The following PCDH9 variants were observed in gnomAD, a reference collection of about 807,000 sequenced individuals.
The protein encoded by PCDH9 is protocadherin-9.
In PCDH9, 24 loss-of-function variants were observed where a neutral mutation model predicts 70.6. That is an observed-to-expected ratio of 0.34 (90% CI 0.25 to 0.48). PCDH9 has a LOEUF of 0.48. Among genes scored for constraint, PCDH9 ranks in the 20% least tolerant of loss-of-function variants. The probability of loss-of-function intolerance (pLI) is 0.99; values close to 1 mark genes in which losing one functional copy is unlikely to be tolerated. For missense variants in PCDH9, 1,281 were observed against 1,503.6 expected (o/e 0.85, Z 2.45); for synonymous variants, 562 against 558.5 (o/e 1.01, Z -0.09).
At chr13:66,377,721 A>G (rs1450326915) in intron 4 of PCDH9, among the ~76,000 whole-genome samples, 1 of 152,214 alleles carries the variant, frequency 6.6e-6, no homozygotes, top group Non-Finnish European at 1.5e-5. Flanking sequence ...GTGACTTAGC[A>G]TGTGCTAAGA....
At chr13:66,843,128 C>T (rs1366769214) in intron 3 of PCDH9, among the ~76,000 whole-genome samples, 1 of 152,204 alleles carries the variant, frequency 6.6e-6, no homozygotes, top group Non-Finnish European at 1.5e-5. Context: ...TGTGTGCCCT[C>T]AGCAAAGATA....
rs150771561 is a variant in PCDH9 at position 66,722,135 on chromosome 13, G to C, written c.3139-90724C>G. Among the ~76,000 whole-genome samples, 51 of 152,220 alleles carry C rather than the reference G, an allele frequency of 3.4e-4. No homozygotes were observed. In the East Asian group the frequency reaches 8.3e-3, roughly 25 times the overall value. On this transcript the variant is annotated intron_variant, in intron 3 of 4. Coordinates refer to ENST00000377865, the MANE Select transcript of PCDH9 (RefSeq NM_203487.3). ...ATAATCACGGACATTTGCCAGTACTGTCATCCATGTGTGAATGGCCTCATA... is the reference window on the plus strand; with the variant it reads ...ATAATCACGGACATTTGCCAGTACTCTCATCCATGTGTGAATGGCCTCATA...
At chr13:67,028,073 A>C (rs1345808442) in intron 2 of PCDH9, among the ~76,000 whole-genome samples, 10 of 151,244 alleles carry the variant, frequency 6.6e-5, no homozygotes. Context: ...TACTGAGTAT[A>C]TACCCAAATG....
chr13:67,069,877 G>T (rs2085725836), intron 2 of PCDH9, among the ~76,000 whole-genome samples: 1 of 151,952 alleles, frequency 6.6e-6, no homozygotes, highest in Non-Finnish European at 1.5e-5. Context: ...TATATTCATA[G>T]GATTATGTTG....
intron 4 of PCDH9, among the ~76,000 whole-genome samples, chr13:66,414,274 T>C (rs1293730911): frequency 6.6e-6 from 1 of 152,204 alleles, no homozygotes; most frequent in East Asian, 1.9e-4. Flanking sequence ...TTCTACAAAA[T>C]TGTGGAGATG....
chr13:66,791,725 A>C (rs2080167302), intron 3 of PCDH9, among the ~76,000 whole-genome samples: 1 of 152,160 alleles, frequency 6.6e-6, no homozygotes, highest in East Asian at 1.9e-4. Context: ...CATTACTTTC[A>C]ATGGAAAAAA....
chr13:66,451,732 C>A (rs968821354), intron 4 of PCDH9, among the ~76,000 whole-genome samples: 1 of 152,102 alleles, frequency 6.6e-6, no homozygotes, highest in African/African-American at 2.4e-5. Flanking sequence ...TGCTATCTAG[C>A]TATCTGGCAA....
intron 4 of PCDH9, among the ~76,000 whole-genome samples, chr13:66,590,856 T>C (rs1466804262): frequency 2.0e-5 from 3 of 151,838 alleles, no homozygotes; most frequent in Non-Finnish European, 2.9e-5. Context: ...CATATTGATT[T>C]ATTCTCTTCT....
At chr13:66,746,480 C>T (rs1476425038) in intron 3 of PCDH9, among the ~76,000 whole-genome samples, 1 of 151,820 alleles carries the variant, frequency 6.6e-6, no homozygotes, top group Non-Finnish European at 1.5e-5. Context: ...GGCAGATAAC[C>T]AGACAGAGAA....
chr13:66,643,897 TA>T (rs2077738559), intron 3 of PCDH9, among the ~76,000 whole-genome samples: 1 of 152,018 alleles, frequency 6.6e-6, no homozygotes, highest in African/African-American at 2.4e-5. Context: ...GAGGGAAAGA[TA>T]GTTTCCAAAT....
intron 3 of PCDH9, among the ~76,000 whole-genome samples, chr13:66,639,412 AC>A (rs2077680834): frequency 6.6e-6 from 1 of 152,182 alleles, no homozygotes; most frequent in African/African-American, 2.4e-5. Flanking sequence ...TGCATCAAAT[AC>A]CTCTTAGGAC....
At chr13:66,911,930 A>G (rs1318316681) in intron 2 of PCDH9, among the ~76,000 whole-genome samples, 1 of 152,174 alleles carries the variant, frequency 6.6e-6, no homozygotes, top group Non-Finnish European at 1.5e-5. Flanking sequence ...AGGGTTAGTC[A>G]GGATTATATT....
At chr13:66,762,995 C>T (rs1295031465) in intron 3 of PCDH9, among the ~76,000 whole-genome samples, 4 of 151,588 alleles carry the variant, frequency 2.6e-5, no homozygotes, top group Non-Finnish European at 5.9e-5. Context: ...TCTTATGTTG[C>T]CTAGGCTGGA....
At chr13:66,757,289 A>C (rs937011861) in intron 3 of PCDH9, among the ~76,000 whole-genome samples, 2 of 152,204 alleles carry the variant, frequency 1.3e-5, no homozygotes, top group Non-Finnish European at 2.9e-5. Context: ...GCCATTCATT[A>C]ACCTGGAATA....
chr13:66,861,695 C>CAT (rs1156592353), intron 3 of PCDH9, among the ~76,000 whole-genome samples: 2 of 152,200 alleles, frequency 1.3e-5, no homozygotes, highest in Non-Finnish European at 2.9e-5. Context: ...GCTTCCATTA[C>CAT]ATACAACTCA....
intron 4 of PCDH9, among the ~76,000 whole-genome samples, chr13:66,416,159 T>A (rs1453058394): frequency 1.3e-5 from 2 of 152,098 alleles, no homozygotes; most frequent in South Asian, 4.1e-4. Context: ...TGTTTGTTTT[T>A]TTCTGGGCAT....
chr13:67,018,027 A>T (rs2084596089), intron 2 of PCDH9, among the ~76,000 whole-genome samples: 1 of 152,124 alleles, frequency 6.6e-6, no homozygotes, highest in South Asian at 2.1e-4. Flanking sequence ...AATTTTTTTG[A>T]TTTTACAAAT....
intron 4 of PCDH9, among the ~76,000 whole-genome samples, chr13:66,387,447 G>A (rs186606494): frequency 1.3e-5 from 2 of 151,002 alleles, no homozygotes; most frequent in Non-Finnish European, 2.9e-5. Context: ...GGTGAGAGGA[G>A]TTTGGGTCAA....
chr13:66,568,437 GCACACA>G (rs372205371), intron 4 of PCDH9, among the ~76,000 whole-genome samples: 1 of 145,070 alleles, frequency 6.9e-6, no homozygotes. Context: ...ACACGCACAC[GCACACA>G]CACACACATA....
Sources: allele counts gnomAD v4.1 joint callset (sites outside exome capture counted in the v4.1 genomes callset), GRCh38; gene constraint gnomAD v4.1.1; transcripts MANE v1.5; gene names NCBI Gene and HGNC (gene_info 2026-07-23, HGNC 2026-07-21).